The following ZNF783 variants were observed in gnomAD, a reference collection of about 807,000 sequenced individuals.
ZNF783 encodes protein ZNF783.
ZNF783 carries 25 observed loss-of-function variants against 31.3 expected under a neutral mutation model. The observed-to-expected ratio is 0.80, with a 90% CI of 0.58 to 1.11. The LOEUF (loss-of-function observed/expected upper bound fraction) is 1.11. Ranked by LOEUF, ZNF783 falls within the 50% of genes most tolerant of loss-of-function variation. The pLI, the probability that ZNF783 is intolerant of heterozygous loss-of-function variation, is 0.00. For synonymous variants in ZNF783, 369 were observed against 319.1 expected, an observed-to-expected ratio of 1.16 and a Z score of -1.66; for missense variants, 797 against 760.0, an observed-to-expected ratio of 1.05 and a Z score of -0.57.
rs968908316 is a variant in ZNF783 at position 149,282,551 on chromosome 7, A to G, written c.*208A>G. ...TGCCTTTTCTGCATTCCTGACTTCT[A>G]AAAGATGCCTTAAGGCTTAAGGGAT... On this transcript the variant is annotated 3_prime_UTR_variant, in exon 6 of 6. Coordinates refer to ENST00000434415, the MANE Select transcript of ZNF783 (RefSeq NM_001195220.2). The G allele has an allele frequency of 7.9e-5, 44 of 554,060 alleles. No individual in the cohort carries two copies. The highest frequency in any genetic ancestry group is 1.3e-4 in the Non-Finnish European group (42 of 321,834). 34.3% of individuals were successfully genotyped at this position (554,060 alleles called of 1,614,324 possible).
Position 149,282,328 on chromosome 7 carries a change from G to A in ZNF783, c.1626G>A (p.Arg542=). 2 of 1,530,610 alleles carry A rather than the reference G, an allele frequency of 1.3e-6. No homozygotes were observed. The highest frequency in any genetic ancestry group is 1.7e-6 in the Non-Finnish European group (2 of 1,145,622). 94.8% of individuals were successfully genotyped at this position (1,530,610 alleles called of 1,614,324 possible). Residue 542 remains arginine, a synonymous_variant, in exon 6 of 6, where the codon CGG becomes CGA. Coordinates refer to ENST00000434415, the MANE Select transcript of ZNF783 (RefSeq NM_001195220.2). ...HGSLPLPWPS[R]KEEG ...GCCTGCCCCTGCCCTGGCCCAGCCG[G>A]AAGGAGGAGGGCTGACCTGGCAGGA...
intron 1 of ZNF783, among the ~76,000 whole-genome samples, chr7:149,264,083 C>A (rs943586697): frequency 6.6e-6 from 1 of 152,162 alleles, no homozygotes; most frequent in African/African-American, 2.4e-5. Flanking sequence ...CCAAAAGGGA[C>A]AGATTTGCCC....
At chr7:149,281,365 G>T in intron 5 of ZNF783, 140 bp from the exon 6 acceptor site, 1 of 611,386 alleles carries the variant, frequency 1.6e-6, no homozygotes, top group Non-Finnish European at 2.5e-6. Flanking sequence ...AGGGCTCAGT[G>T]AGCAGGACCC....
chr7:149,262,687 T>C (rs4727034), intron 1 of ZNF783, among the ~76,000 whole-genome samples: 83,757 of 152,070 alleles, frequency 0.55, 23,343 homozygotes, highest in African/African-American at 0.62. Context: ...CGGCCCCCCC[T>C]ACAGCAGGCT....
chr7:149,281,068 C>T (rs1206091398), intron 5 of ZNF783, among the ~76,000 whole-genome samples: 1 of 152,200 alleles, frequency 6.6e-6, no homozygotes, highest in Non-Finnish European at 1.5e-5. Context: ...ACAGAGGCCT[C>T]TTAGGGTGGT....
chr7:149,264,742 G>T (rs901754454), intron 1 of ZNF783, among the ~76,000 whole-genome samples: 2 of 151,748 alleles, frequency 1.3e-5, no homozygotes, highest in Non-Finnish European at 2.9e-5. Flanking sequence ...GTGTGGTGGC[G>T]GGCGTCTGTA....
chr7:149,277,116 G>T (rs1563198073), intron 4 of ZNF783: 1 of 152,236 alleles, frequency 6.6e-6, no homozygotes, highest in Non-Finnish European at 1.5e-5. Context: ...CCAAAGTGCT[G>T]GGATTACAGG....
At chr7:149,276,214 A>C (rs1251791763) in intron 4 of ZNF783, 16 of 482,622 alleles carry the variant, frequency 3.3e-5, no homozygotes, top group Non-Finnish European at 4.3e-5. Context: ...TTAGTGGCTC[A>C]CGAACAGTCA....
In ZNF783 at chr7:149,282,379, C is replaced by G. The variant is rs543335698; in HGVS notation, c.*36C>G. Reference sequence around the variant, plus strand: ...GCCCACAGAGGACCCCTGGCGGGGTCTCTCCCCTGTGCCTGACGCAGGTTC... The same window carrying G: ...GCCCACAGAGGACCCCTGGCGGGGTGTCTCCCCTGTGCCTGACGCAGGTTC... On this transcript the variant is annotated 3_prime_UTR_variant, in exon 6 of 6. Coordinates refer to ENST00000434415, the MANE Select transcript of ZNF783 (RefSeq NM_001195220.2). The G allele has an allele frequency of 1.4e-6, 2 of 1,429,018 alleles. No homozygotes were observed. The highest frequency in any genetic ancestry group is 2.9e-5 in the South Asian group (2 of 68,776). 88.5% of individuals were successfully genotyped at this position (1,429,018 alleles called of 1,614,324 possible).
intron 5 of ZNF783, among the ~76,000 whole-genome samples, chr7:149,280,457 C>A (rs1797439699): frequency 1.3e-5 from 2 of 152,188 alleles, no homozygotes; most frequent in South Asian, 4.2e-4. Flanking sequence ...TGGTGAGGGG[C>A]TTCCTCCTGA....
chr7:149,268,148 G>A (rs1330935796), intron 4 of ZNF783, among the ~76,000 whole-genome samples: 1 of 152,154 alleles, frequency 6.6e-6, no homozygotes, highest in Non-Finnish European at 1.5e-5. Flanking sequence ...CACTCTGCTG[G>A]GTTTTGCCAC....
At chr7:149,263,689 A>G (rs760198034) in intron 1 of ZNF783, among the ~76,000 whole-genome samples, 4 of 152,290 alleles carry the variant, frequency 2.6e-5, no homozygotes, top group Admixed American at 6.5e-5. Context: ...AGTATGTCCA[A>G]TTGGGAGATT....
chr7:149,282,587 TG>T lies in ZNF783; in HGVS notation c.*245del. On this transcript the variant is annotated 3_prime_UTR_variant, in exon 6 of 6. Coordinates refer to ENST00000434415, the MANE Select transcript of ZNF783 (RefSeq NM_001195220.2). ...TAAGGCTTAAGGGATGCCATATTTTTGATAAGGCCTCTGGTAGGTACCACAG... is the reference window on the plus strand; with the variant it reads ...TAAGGCTTAAGGGATGCCATATTTTTATAAGGCCTCTGGTAGGTACCACAG... 2.1e-6 allele frequency: 1 copy of T among 469,300 alleles called. No homozygotes were observed. Among genetic ancestry groups the T allele is most frequent in the South Asian group, 4.1e-5 (1 of 24,544 alleles). The allele number at this position is 469,300 out of a possible 1,614,324, so 29.1% of individuals were successfully genotyped here.
chr7:149,282,563 A>C lies in ZNF783; in HGVS notation c.*220A>C. 1.9e-6 allele frequency: 1 copy of C among 527,068 alleles called. No homozygotes were observed. The highest frequency in any genetic ancestry group is 3.3e-6 in the Non-Finnish European group (1 of 304,506). 32.6% of individuals were successfully genotyped at this position (527,068 alleles called of 1,614,324 possible). A position where few individuals can be genotyped will look rare whatever the true frequency, so the allele number is the denominator to read the frequency against. ...ATTCCTGACTTCTAAAAGATGCCTT[A>C]AGGCTTAAGGGATGCCATATTTTTG... is the stretch of plus-strand genomic sequence containing the variant. On this transcript the variant is annotated 3_prime_UTR_variant, in exon 6 of 6. Coordinates refer to ENST00000434415, the MANE Select transcript of ZNF783 (RefSeq NM_001195220.2).
intron 1 of ZNF783, among the ~76,000 whole-genome samples, chr7:149,262,578 G>T (rs1410919389): frequency 5.9e-5 from 9 of 152,224 alleles, no homozygotes. Context: ...AGCGGCTGAC[G>T]ATCCGGCCCA....
intron 2 of ZNF783, 35 bp from the exon 3 acceptor site, chr7:149,266,784 G>T: frequency 6.2e-7 from 1 of 1,613,806 alleles, no homozygotes; most frequent in Non-Finnish European, 8.5e-7. Context: ...GCCTGTGAGC[G>T]TGTGGGTGAG....
At position 149,278,439 on chromosome 7, in the gene ZNF783, C is replaced by G; in HGVS notation, c.714C>G (p.Ser238Arg). ...CAGAGCACCTCACCAGCCCACTTAG[C>G]CCTGCCCAGGAGGAGCTGAAAGAAG... The part of the protein sequence containing the change: ...PYPEHLTSPL[S>R]PAQEELKEGQ... Residue 238 changes from serine to arginine, a missense_variant, in exon 5 of 6, where the codon AGC becomes AGG. By Grantham distance (110) the Ser-to-Arg change is moderately radical (BLOSUM62 -1). Coordinates refer to ENST00000434415, the MANE Select transcript of ZNF783 (RefSeq NM_001195220.2). 8 of 1,599,396 alleles carry G rather than the reference C, an allele frequency of 5.0e-6. No individual in the cohort carries two copies. The highest frequency in any genetic ancestry group is 1.1e-5 in the South Asian group (1 of 91,060).
At chr7:149,262,480 C>A in intron 1 of ZNF783, 123 bp downstream of exon 1, 1 of 827,080 alleles carries the variant, frequency 1.2e-6, no homozygotes, top group Non-Finnish European at 1.6e-6. Context: ...CCTCCGCGCT[C>A]GTTGCCCCCG....
Position 149,281,858 on chromosome 7 carries a change from A to G in ZNF783, c.1156A>G (p.Ser386Gly), listed in dbSNP as rs1747248281. The change falls in exon 6 of 6, where the codon AGC becomes GGC. Residue 386 changes from serine (S) to glycine (G), a missense_variant. Coordinates refer to ENST00000434415, the MANE Select transcript of ZNF783 (RefSeq NM_001195220.2). ...GGAGGCCCCCGGCCGCTCGCCCACC[A>G]GCTGCGGGGACAGCCAGGCCATGCT... is the stretch of plus-strand genomic sequence containing the variant. ...RQEAPGRSPT[S>G]CGDSQAMLEP... 2 of 1,497,518 alleles carry G rather than the reference A, an allele frequency of 1.3e-6. No homozygotes were observed. The highest frequency in any genetic ancestry group is 2.8e-5 in the African/African-American group (2 of 70,802). The allele number at this position is 1,497,518 out of a possible 1,614,324, so 92.8% of individuals were successfully genotyped here. A position where few individuals can be genotyped will look rare whatever the true frequency, so the allele number is the denominator to read the frequency against.
Sources: allele counts gnomAD v4.1 joint callset (sites outside exome capture counted in the v4.1 genomes callset), GRCh38; gene constraint gnomAD v4.1.1; transcripts MANE v1.5; gene names NCBI Gene and HGNC (gene_info 2026-07-23, HGNC 2026-07-21).